Variants in ATP6V0A1 observed in about 807,000 individuals in gnomAD.
ATP6V0A1 encodes V-type proton ATPase 116 kDa subunit a 1.
Under a neutral mutation model 105.4 loss-of-function variants are expected in ATP6V0A1, and 43 were observed. The observed-to-expected ratio is 0.41, with a 90% CI of 0.32 to 0.53. ATP6V0A1 has a LOEUF of 0.53. Among genes scored for constraint, ATP6V0A1 ranks in the 20% least tolerant of loss-of-function variants. The probability of loss-of-function intolerance (pLI) is 0.30; values close to 1 mark genes in which losing one functional copy is unlikely to be tolerated. For synonymous variants in ATP6V0A1, 362 were observed against 372.8 expected, an observed-to-expected ratio of 0.97 and a Z score of 0.33; for missense variants, 676 against 1,051.1, an observed-to-expected ratio of 0.64 and a Z score of 4.93.
intron 17 of ATP6V0A1, among the ~76,000 whole-genome samples, chr17:42,501,542 G>A (rs1223289908): frequency 6.6e-6 from 1 of 152,020 alleles, no homozygotes; most frequent in Non-Finnish European, 1.5e-5. Context: ...AGCCTCCTGT[G>A]TCACTGGGAT....
intron 1 of ATP6V0A1, 121 bp from the exon 2 acceptor site, chr17:42,460,727 C>T (rs2086302802): frequency 1.8e-6 from 1 of 559,232 alleles, no homozygotes; most frequent in Non-Finnish European, 3.3e-6. Flanking sequence ...GTGTCAAAAA[C>T]AGTTGTTGAC....
At chr17:42,478,428 G>C in intron 6 of ATP6V0A1, 35 bp from the exon 7 acceptor site, 1 of 1,547,674 alleles carries the variant, frequency 6.5e-7, no homozygotes, top group Non-Finnish European at 8.8e-7. Context: ...CCATGACATG[G>C]AATAGAGTTT....
At chr17:42,469,770 G>A (rs2087633321) in intron 4 of ATP6V0A1, among the ~76,000 whole-genome samples, 1 of 152,122 alleles carries the variant, frequency 6.6e-6, no homozygotes, top group South Asian at 2.1e-4. Flanking sequence ...AGCCTCCCAA[G>A]TAGCTGGGAC....
intron 8 of ATP6V0A1, 27 bp downstream of exon 8, chr17:42,480,776 G>A: frequency 3.1e-6 from 5 of 1,600,426 alleles, no homozygotes; most frequent in Non-Finnish European, 3.4e-6. Flanking sequence ...TCTACCAGGA[G>A]TGCACAGCCA....
At chr17:42,518,638 C>A (rs1018404143) in intron 21 of ATP6V0A1, 1 of 152,282 alleles carries the variant, frequency 6.6e-6, no homozygotes, top group African/African-American at 2.4e-5. Flanking sequence ...TGAATGATGT[C>A]TTTTGGCCCC....
chr17:42,487,366 C>T lies in ATP6V0A1; in HGVS notation c.1022C>T (p.Thr341Met), dbSNP rs2090196836. The T allele has an allele frequency of 2.5e-6, 4 of 1,613,100 alleles. No individual in the cohort carries two copies. Among genetic ancestry groups the T allele is most frequent in the Non-Finnish European group, 3.4e-6 (4 of 1,179,684 alleles). ...DSIQFALRRG[T>M]EHSGSTVPSI... ...ATCCAGTTTGCACTCAGAAGGGGCACGGTGAGTCCCCAAAGCTAACAATGC... is the reference window on the plus strand; with the variant it reads ...ATCCAGTTTGCACTCAGAAGGGGCATGGTGAGTCCCCAAAGCTAACAATGC... The change falls in exon 10 of 22, where the codon ACG (threonine) becomes ATG (methionine). Residue 341 changes from threonine to methionine, a missense_variant and splice_region_variant. Thr to Met is a moderately conservative substitution (Grantham distance 81, BLOSUM62 -1). Transcript: ENST00000343619.
chr17:42,463,256 C>G (rs992540675), intron 2 of ATP6V0A1, among the ~76,000 whole-genome samples: 1 of 151,890 alleles, frequency 6.6e-6, no homozygotes, highest in African/African-American at 2.4e-5. Context: ...ATCCATCCCC[C>G]CTCAGCCTCC....
In ATP6V0A1 at chr17:42,502,494, GCGCA is replaced by G. The variant is rs1467962832; in HGVS notation, c.2004+1192_2004+1195del. 8.6e-5 allele frequency among the ~76,000 whole-genome samples: 13 copies of G among 151,784 alleles called. No individual in the cohort carries two copies. The South Asian group carries it at 1.0e-3, about 12-fold the overall frequency. The stretch of plus-strand genomic sequence containing the variant: ...GTCTGTGTGTATATGAATTCTGCGC[GCGCA>G]CACACACACACACACACAGAGTTAA... On this transcript the variant is annotated intron_variant, in intron 17 of 21. Transcript: ENST00000343619.
intron 10 of ATP6V0A1, among the ~76,000 whole-genome samples, chr17:42,488,740 C>T (rs937486787): frequency 2.7e-5 from 4 of 150,108 alleles, no homozygotes; most frequent in Non-Finnish European, 5.9e-5. Flanking sequence ...TGGGGCCAGG[C>T]GTGGTGACTC....
intron 11 of ATP6V0A1, among the ~76,000 whole-genome samples, chr17:42,491,151 C>G (rs1306887742): frequency 6.6e-6 from 1 of 152,098 alleles, no homozygotes; most frequent in Non-Finnish European, 1.5e-5. Flanking sequence ...CTCAAGGAAG[C>G]CTCCTGCTTC....
chr17:42,478,656 A>G, intron 7 of ATP6V0A1, 67 bp downstream of exon 7: 8 of 1,448,348 alleles, frequency 5.5e-6, no homozygotes, highest in Non-Finnish European at 6.5e-6. Context: ...GTAACGTAGC[A>G]TGGGGCCACC....
In ATP6V0A1 at chr17:42,521,036, C is replaced by A; in HGVS notation, c.2430C>A (p.Phe810Leu). ...LHALRLHWVE[F>L]QNKFYSGTGF... ...TCTTCTCTTTCTCCAGGGTTGAGTT[C>A]CAGAATAAATTCTACAGCGGGACCG... The change falls in exon 22 of 22, where the codon TTC (phenylalanine) becomes TTA (leucine). Residue 810 changes from phenylalanine (F) to leucine (L), a missense_variant. Phe to Leu is a conservative substitution (Grantham distance 22, BLOSUM62 0). Around this residue, in one of 3 missense-constraint regions of ATP6V0A1, gnomAD observed 435 missense variants for 642.2 expected, o/e 0.68. Coordinates refer to ENST00000343619, the MANE Select transcript of ATP6V0A1 (RefSeq NM_001130021.3). The surrounding 1 kb of genome is among the most constrained non-coding windows in gnomAD (Gnocchi z 4.8). The A allele has an allele frequency of 6.2e-7, 1 of 1,600,544 alleles. No homozygotes were observed. Among genetic ancestry groups the A allele is most frequent in the Non-Finnish European group, 8.5e-7 (1 of 1,174,282 alleles).
chr17:42,478,188 A>C (rs1212938994), intron 6 of ATP6V0A1, among the ~76,000 whole-genome samples: 3 of 130,634 alleles, frequency 2.3e-5, no homozygotes, highest in Non-Finnish European at 4.7e-5. Flanking sequence ...AGGAAGGGGA[A>C]CATCACACAC....
At chr17:42,484,029 A>T (rs1356537650) in intron 9 of ATP6V0A1, among the ~76,000 whole-genome samples, 1 of 150,658 alleles carries the variant, frequency 6.6e-6, no homozygotes, top group East Asian at 2.0e-4. Flanking sequence ...AGTCTGAGAT[A>T]GTTTTTTTTG....
intron 2 of ATP6V0A1, among the ~76,000 whole-genome samples, chr17:42,461,987 G>A (rs565862482): frequency 6.7e-6 from 1 of 149,310 alleles, no homozygotes; most frequent in Non-Finnish European, 1.5e-5. Context: ...CAGGAGGATC[G>A]CTTGAGCCCA....
intron 16 of ATP6V0A1, 110 bp from the exon 17 acceptor site, chr17:42,501,087 T>C (rs1197179085): frequency 7.8e-6 from 9 of 1,157,364 alleles, no homozygotes; most frequent in East Asian, 2.4e-5. Flanking sequence ...GTGTTATTCA[T>C]AGATTAGTAA....
At chr17:42,482,912 A>AT (rs1222751084) in intron 8 of ATP6V0A1, 126 bp from the exon 9 acceptor site, 1 of 488,238 alleles carries the variant, frequency 2.0e-6, no homozygotes, top group African/African-American at 2.0e-5. Context: ...AAAAAAAAAA[A>AT]AAAAGTGTTG....
At chr17:42,482,440 C>T (rs2089633792) in intron 8 of ATP6V0A1, among the ~76,000 whole-genome samples, 1 of 152,120 alleles carries the variant, frequency 6.6e-6, no homozygotes, top group Admixed American at 6.5e-5. Flanking sequence ...AGCCACTGCA[C>T]CTGGTCTAGG....
intron 11 of ATP6V0A1, among the ~76,000 whole-genome samples, chr17:42,492,736 C>T (rs770640069): frequency 3.4e-5 from 5 of 146,500 alleles, no homozygotes; most frequent in Non-Finnish European, 3.0e-5. Flanking sequence ...AGTTCATCGG[C>T]TGGGCGTGGT....
Sources: allele counts gnomAD v4.1 joint callset (sites outside exome capture counted in the v4.1 genomes callset), GRCh38; gene constraint gnomAD v4.1.1; regional missense constraint gnomAD v4.1.1; non-coding constraint Gnocchi (gnomAD v3.1); transcripts MANE v1.5; gene names NCBI Gene and HGNC (gene_info 2026-07-23, HGNC 2026-07-21).